Variants in ROBO2 observed in about 807,000 individuals in gnomAD.
ROBO2 encodes the protein roundabout guidance receptor 2.
Under a neutral mutation model 160.8 loss-of-function variants are expected in ROBO2, and 53 were observed. The observed-to-expected ratio is 0.33, with a 90% CI of 0.26 to 0.41. The LOEUF is 0.41. Ranked by LOEUF, ROBO2 falls within the 10% of genes least tolerant of loss-of-function variation. ROBO2 has a pLI of 1.00. For missense variants in ROBO2, 1,577 were observed against 1,722.4 expected, an observed-to-expected ratio of 0.92 and a Z score of 1.49; for synonymous variants, 664 against 611.7, an observed-to-expected ratio of 1.09 and a Z score of -1.26.
chr3:76,778,752 G>A (rs187248694), intron 2 of ROBO2, among the ~76,000 whole-genome samples: 1 of 150,998 alleles, frequency 6.6e-6, no homozygotes, highest in Admixed American at 6.6e-5. Context: ...TCAATAAATA[G>A]CACAAGTCCT....
Position 77,568,396 on chromosome 3 carries a change from G to C in ROBO2, c.1933G>C (p.Val645Leu). 6.2e-7 allele frequency: 1 copy of C among 1,612,964 alleles called. No individual in the cohort carries two copies. The highest frequency in any genetic ancestry group is 1.7e-5 in the Admixed American group (1 of 59,862). Residue 645 changes from valine (V) to leucine (L), a missense_variant, in exon 13 of 26, where the codon GTT becomes CTT. Transcript: ENST00000461745. The stretch of plus-strand genomic sequence containing the variant: ...TGTCCTTGTCCGTCTTCATAATCCA[G>C]TTGTGCTGACTCCCACCACGGTTCA...
At position 77,527,416 on chromosome 3, in the gene ROBO2, T is replaced by C; in HGVS notation, c.934+4514T>C. 7.8e-7 allele frequency: 1 copy of C among 1,288,114 alleles called. No homozygotes were observed. Among genetic ancestry groups the C allele is most frequent in the Non-Finnish European group, 1.0e-6 (1 of 987,840 alleles). The allele number at this position is 1,288,114 out of a possible 1,614,324, so 79.8% of individuals were successfully genotyped here. A position where few individuals can be genotyped will look rare whatever the true frequency, so the allele number is the denominator to read the frequency against. On this transcript the variant is annotated intron_variant, in intron 6 of 25. Coordinates refer to ENST00000461745, the Ensembl canonical transcript of ROBO2. Reference sequence around the variant, plus strand: ...TAATGTCTACAGCTCGCCCTGTTGGTAAGTAGCCATCCTTCTATCCACTAA... The same window carrying C: ...TAATGTCTACAGCTCGCCCTGTTGGCAAGTAGCCATCCTTCTATCCACTAA...
intron 2 of ROBO2, among the ~76,000 whole-genome samples, chr3:76,322,205 A>ATATATATATATATAT (rs1559761668): frequency 3.1e-5 from 3 of 97,586 alleles, no homozygotes. Context: ...TATATATATA[A>ATATATATATATATAT]TATACACACA....
chr3:76,179,916 T>A (rs1376728950), intron 2 of ROBO2, among the ~76,000 whole-genome samples: 1 of 152,130 alleles, frequency 6.6e-6, no homozygotes, highest in African/African-American at 2.4e-5. Flanking sequence ...AAGGACAGGG[T>A]CTGAGTCTGC....
chr3:76,119,892 C>T (rs1445173755), intron 2 of ROBO2, among the ~76,000 whole-genome samples: 2 of 132,578 alleles, frequency 1.5e-5, no homozygotes, highest in Non-Finnish European at 3.1e-5. Context: ...CTTCCCTTCC[C>T]TTCCTTCCCT....
At chr3:77,640,661 G>A (rs1362883711) in intron 24 of ROBO2, among the ~76,000 whole-genome samples, 1 of 152,102 alleles carries the variant, frequency 6.6e-6, no homozygotes, top group Non-Finnish European at 1.5e-5. Flanking sequence ...ATCCTCGGTA[G>A]GCCAGTAAGA....
intron 1 of ROBO2, among the ~76,000 whole-genome samples, chr3:75,924,399 C>T (rs1947195579): frequency 6.6e-6 from 1 of 151,864 alleles, no homozygotes; most frequent in Admixed American, 6.6e-5. Flanking sequence ...AGGCCAAGAG[C>T]TCAGGGGTAC....
chr3:77,430,863 T>C (rs1224794171), intron 2 of ROBO2, among the ~76,000 whole-genome samples: 1 of 152,226 alleles, frequency 6.6e-6, no homozygotes, highest in East Asian at 1.9e-4. Flanking sequence ...GGCTAGTTGA[T>C]GATCTCAAGA....
At chr3:75,962,307 G>C (rs1261782246) in intron 2 of ROBO2, among the ~76,000 whole-genome samples, 1 of 151,734 alleles carries the variant, frequency 6.6e-6, no homozygotes, top group Non-Finnish European at 1.5e-5. Flanking sequence ...ATTTCTTTCT[G>C]TTTATGTCAC....
intron 2 of ROBO2, among the ~76,000 whole-genome samples, chr3:76,174,939 T>C (rs2073173668): frequency 6.6e-6 from 1 of 152,180 alleles, no homozygotes. Context: ...ATTGGATCTA[T>C]AAATTACTTT....
intron 2 of ROBO2, among the ~76,000 whole-genome samples, chr3:77,189,753 A>G (rs2081643020): frequency 6.6e-6 from 1 of 151,966 alleles, no homozygotes; most frequent in African/African-American, 2.4e-5. Flanking sequence ...ATGTATCTGT[A>G]GTTGTATCTT....
intron 2 of ROBO2, among the ~76,000 whole-genome samples, chr3:76,493,406 A>G (rs1027851352): frequency 3.6e-4 from 52 of 144,688 alleles, no homozygotes; most frequent in Non-Finnish European, 5.3e-4. Flanking sequence ...TGTACACAAC[A>G]GTAAGAAAAG....
chr3:76,814,734 T>C (rs1258911275), intron 2 of ROBO2, among the ~76,000 whole-genome samples: 1 of 152,096 alleles, frequency 6.6e-6, no homozygotes, highest in African/African-American at 2.4e-5. Flanking sequence ...AGAAACTTTA[T>C]AAAATTCATC....
At chr3:77,410,720 CTCCTCCTCCTCT>C (rs1252871721) in intron 2 of ROBO2, among the ~76,000 whole-genome samples, 5 of 131,384 alleles carry the variant, frequency 3.8e-5, no homozygotes, top group African/African-American at 1.2e-4. Flanking sequence ...CCTCCTCTTC[CTCCTCCTCCTCT>C]TCCTCCTCCT....
At chr3:77,580,361 G>A (rs1483621100) in intron 16 of ROBO2, among the ~76,000 whole-genome samples, 1 of 152,072 alleles carries the variant, frequency 6.6e-6, no homozygotes, top group Non-Finnish European at 1.5e-5. Flanking sequence ...ATGCTGAAAG[G>A]TAGTTTAAAA....
intron 2 of ROBO2, among the ~76,000 whole-genome samples, chr3:76,714,888 C>T (rs1040651621): frequency 1.8e-4 from 27 of 152,072 alleles, no homozygotes; most frequent in African/African-American, 6.5e-4. Context: ...CTTGTTAGTG[C>T]CCACCAAGTG....
chr3:76,416,151 C>T (rs923275547), intron 2 of ROBO2, among the ~76,000 whole-genome samples: 1 of 151,768 alleles, frequency 6.6e-6, no homozygotes, highest in African/African-American at 2.4e-5. Context: ...AGGACATGTT[C>T]TGTGGTTTTA....
intron 2 of ROBO2, among the ~76,000 whole-genome samples, chr3:75,959,186 T>C (rs1948821116): frequency 6.6e-6 from 1 of 151,798 alleles, no homozygotes; most frequent in African/African-American, 2.4e-5. Context: ...GTGGTAGTGG[T>C]GATATTTATT....
At chr3:76,069,776 G>A (rs757572342) in intron 2 of ROBO2, among the ~76,000 whole-genome samples, 7 of 152,268 alleles carry the variant, frequency 4.6e-5, no homozygotes, top group Non-Finnish European at 7.4e-5. Flanking sequence ...TAAACTCAGA[G>A]AGAAGAGGTG....
Sources: gnomAD v4.1 joint callset for allele counts (sites outside exome capture counted in the v4.1 genomes callset) on GRCh38, gnomAD v4.1.1 for gene constraint, MANE v1.5 for transcripts, NCBI Gene and HGNC (gene_info 2026-07-23, HGNC 2026-07-21) for gene names.